CWC25: variants seen among roughly 807,000 people sequenced by gnomAD.
CWC25 encodes pre-mRNA-splicing factor CWC25 homolog.
Under a neutral mutation model 54.6 loss-of-function variants are expected in CWC25, and 31 were observed. That is an observed-to-expected ratio of 0.57 (90% confidence interval 0.43 to 0.77). The LOEUF is 0.77. Ranked by LOEUF, CWC25 falls within the 30% of genes least tolerant of loss-of-function variation. The probability of loss-of-function intolerance (pLI) is 0.00; values close to 1 mark genes in which losing one functional copy is unlikely to be tolerated. For synonymous variants in CWC25, 151 were observed against 187.0 expected, an observed-to-expected ratio of 0.81 and a Z score of 1.57; for missense variants, 453 against 529.3, an observed-to-expected ratio of 0.86 and a Z score of 1.41.
In CWC25 at chr17:38,806,713, G is replaced by A. The variant is rs1911255334; in HGVS notation, c.902+52C>T. The A allele has an allele frequency of 1.5e-5, 22 of 1,460,632 alleles. No homozygotes were observed. The South Asian group carries it at 2.8e-4, about 18-fold the overall frequency. 90.5% of individuals were successfully genotyped at this position (1,460,632 alleles called of 1,614,324 possible). On this transcript the variant is annotated intron_variant, in intron 7 of 9. Coordinates refer to ENST00000614790, the MANE Select transcript of CWC25 (RefSeq NM_017748.5). ...CCAAAAGCAAAAACAAATGCCTGCT[G>A]GGACCAGGCCCCCACAGTCACAGGT...
intron 1 of CWC25, among the ~76,000 whole-genome samples, 152 bp downstream of exon 1, chr17:38,825,014 C>G (rs540318472): frequency 1.3e-5 from 2 of 152,288 alleles, no homozygotes; most frequent in Admixed American, 6.5e-5. Flanking sequence ...CTCCATTGCC[C>G]TAAGGATCCA....
intron 6 of CWC25, 86 bp downstream of exon 6, chr17:38,809,616 C>A: frequency 7.6e-7 from 1 of 1,311,830 alleles, no homozygotes. Flanking sequence ...CCAGGCTTCA[C>A]TGCCCACCTC....
chr17:38,820,247 GTTATT>G (rs893760155), intron 2 of CWC25, among the ~76,000 whole-genome samples: 4 of 152,244 alleles, frequency 2.6e-5, no homozygotes, highest in African/African-American at 9.6e-5. Context: ...TAGTCTATCT[GTTATT>G]TTATTTTATT....
At chr17:38,822,771 G>A (rs1567676821) in intron 1 of CWC25, among the ~76,000 whole-genome samples, 1 of 151,934 alleles carries the variant, frequency 6.6e-6, no homozygotes, top group Non-Finnish European at 1.5e-5. Flanking sequence ...GCAAGAAGAA[G>A]CCAAGTGAGA....
Position 38,810,572 on chromosome 17 carries a change from C to A in CWC25, c.522G>T (p.Lys174Asn). The change falls in exon 5 of 10, where the codon AAG (lysine) becomes AAT (asparagine). Residue 174 changes from lysine (K) to asparagine (N), a missense_variant. Lys to Asn is a moderately conservative substitution (Grantham distance 94). Around this residue, in one of 2 missense-constraint regions of CWC25, gnomAD observed 444 missense variants for 499.2 expected, o/e 0.89. Transcript: ENST00000614790. The part of the protein sequence containing the change: ...KELLQMSLEK[K>N]EKKKKKEKKK... ...TCTTCTCCTTCTTTTTCTTCTTCTC[C>A]TTTTTTTCCAGACTCATTTGCAACT... 6.5e-7 allele frequency: 1 copy of A among 1,535,548 alleles called. No individual in the cohort carries two copies. Among genetic ancestry groups the A allele is most frequent in the Non-Finnish European group, 8.9e-7 (1 of 1,126,662 alleles).
intron 6 of CWC25, among the ~76,000 whole-genome samples, chr17:38,809,379 G>A (rs1450583271): frequency 6.8e-6 from 1 of 146,666 alleles, no homozygotes; most frequent in African/African-American, 2.5e-5. Flanking sequence ...AGTGAGCCGA[G>A]ATCGCGCCAC....
chr17:38,823,183 G>A (rs1436761031), intron 1 of CWC25, among the ~76,000 whole-genome samples: 2 of 122,252 alleles, frequency 1.6e-5, no homozygotes, highest in African/African-American at 3.2e-5. Context: ...TTTTTGAGAC[G>A]AGGTCTTGCT....
chr17:38,801,873 TAA>T lies in CWC25; in HGVS notation c.*217_*218del, dbSNP rs1280249876. The T allele has an allele frequency of 6.9e-6, 3 of 432,254 alleles. No homozygotes were observed. The highest frequency in any genetic ancestry group is 4.0e-5 in the Admixed American group (1 of 24,696). 26.8% of individuals were successfully genotyped at this position (432,254 alleles called of 1,614,324 possible). ...CCGAGATGGTCCAGTGCCCACCCGT[TAA>T]AGAGTCAAAACCCAAAGTTACTGAG... On this transcript the variant is annotated 3_prime_UTR_variant, in exon 10 of 10. Coordinates refer to ENST00000614790, the MANE Select transcript of CWC25 (RefSeq NM_017748.5).
chr17:38,802,651 C>T, intron 9 of CWC25, 49 bp downstream of exon 9: 2 of 1,606,248 alleles, frequency 1.2e-6, no homozygotes, highest in Non-Finnish European at 1.7e-6. Flanking sequence ...CAGCCTGCCT[C>T]TTAAGACCTT....
rs1312133574 is a variant in CWC25, at chr17:38,820,883, C to G, written c.191+18G>C. On this transcript the variant is annotated intron_variant, in intron 2 of 9. Transcript: ENST00000614790. ...TGCAATTCCCTACACACAAGCGCAC[C>G]CCCAGCTCCTCACTTACTTGACGGC... is the stretch of plus-strand genomic sequence containing the variant. 3 of 1,604,600 alleles carry G rather than the reference C, an allele frequency of 1.9e-6. No individual in the cohort carries two copies. In the African/African-American group the frequency reaches 4.0e-5, roughly 22 times the overall value.
chr17:38,817,315 A>G (rs946806933), intron 2 of CWC25, among the ~76,000 whole-genome samples: 13 of 150,666 alleles, frequency 8.6e-5, no homozygotes, highest in Non-Finnish European at 1.8e-4. Context: ...ACTCCAACGC[A>G]GGTGACAGTG....
Position 38,825,320 on chromosome 17 carries a change from C to G in CWC25, c.-137G>C. On this transcript the variant is annotated 5_prime_UTR_variant, in exon 1 of 10. Coordinates refer to ENST00000614790, the MANE Select transcript of CWC25 (RefSeq NM_017748.5). ...GTCAACTGCCAGTTTCACCACCGCT[C>G]TAGAGGTCACTTCCGGGAGGGCGTC... 1.2e-6 allele frequency: 1 copy of G among 826,276 alleles called. No homozygotes were observed. The highest frequency in any genetic ancestry group is 2.0e-5 in the South Asian group (1 of 49,866). 51.2% of individuals were successfully genotyped at this position (826,276 alleles called of 1,614,324 possible).
At chr17:38,810,841 G>A (rs1911455125) in intron 4 of CWC25, among the ~76,000 whole-genome samples, 1 of 142,356 alleles carries the variant, frequency 7.0e-6, no homozygotes, top group Non-Finnish European at 1.5e-5. Context: ...AGAATCACCT[G>A]AACCAGGAGG....
intron 4 of CWC25, among the ~76,000 whole-genome samples, 181 bp downstream of exon 4, chr17:38,812,614 T>C (rs57164224): frequency 0.026 from 3,957 of 151,080 alleles, 196 homozygotes; most frequent in African/African-American, 0.091. Context: ...GCAACAAGAT[T>C]GAAACTCCGT....
intron 8 of CWC25, among the ~76,000 whole-genome samples, chr17:38,804,482 C>A (rs1911147892): frequency 6.6e-6 from 1 of 152,032 alleles, no homozygotes; most frequent in Non-Finnish European, 1.5e-5. Context: ...CCAGCCTGGA[C>A]AACACATTGA....
Position 38,807,919 on chromosome 17 carries a change from C to T in CWC25, c.691-943G>A, listed in dbSNP as rs1386583961. Among the ~76,000 whole-genome samples, 4 of 137,188 alleles carry T rather than the reference C, an allele frequency of 2.9e-5. 1 individual carries two copies. Among genetic ancestry groups the T allele is most frequent in the Non-Finnish European group, 6.4e-5 (4 of 62,614 alleles). The allele number at this position is 137,188 out of a possible 152,430, so 90.0% of individuals were successfully genotyped here. A position where few individuals can be genotyped will look rare whatever the true frequency, so the allele number is the denominator to read the frequency against. On this transcript the variant is annotated intron_variant, in intron 6 of 9. Transcript: ENST00000614790. Reference sequence around the variant, plus strand: ...TAAAAATACAAAATAATTAGCTGGGCATGGTGGGCACCTGTAGTCCCAGCT... The same window carrying T: ...TAAAAATACAAAATAATTAGCTGGGTATGGTGGGCACCTGTAGTCCCAGCT...
In CWC25 at chr17:38,812,983, G is replaced by A. The variant is rs191821598; in HGVS notation, c.429-119C>T. ...CATGTTAAAATCTACATGATTAGCT[G>A]GGTGTGGTGGTGTGCACCTGTAATC... On this transcript the variant is annotated intron_variant, in intron 3 of 9. Coordinates refer to ENST00000614790, the MANE Select transcript of CWC25 (RefSeq NM_017748.5). 5.3e-4 allele frequency: 338 copies of A among 642,610 alleles called. 1 individual carries two copies. In the African/African-American group the frequency reaches 5.9e-3, roughly 11 times the overall value. The allele number at this position is 642,610 out of a possible 1,614,324, so 39.8% of individuals were successfully genotyped here.
Position 38,806,807 on chromosome 17 carries a change from C to G in CWC25, c.860G>C (p.Arg287Pro). 1 of 1,610,142 alleles carries G rather than the reference C, an allele frequency of 6.2e-7. No individual in the cohort carries two copies. Among genetic ancestry groups the G allele is most frequent in the Non-Finnish European group, 8.5e-7 (1 of 1,178,538 alleles). ...GGACCGTGACCTTCTGCCCAGGGAT[C>G]GAGACCTCCTGTCCCGGGACCCTGC... Reference protein sequence around the residue: ...REAGSRDRRSRSLGRRSRSPR... With the variant: ...REAGSRDRRSPSLGRRSRSPR... Residue 287 changes from arginine (R) to proline (P), a missense_variant, in exon 7 of 10, where the codon CGA (arginine) becomes CCA (proline). Physicochemically the swap from Arg to Pro is moderately radical, Grantham distance 103. Around this residue, in one of 2 missense-constraint regions of CWC25, gnomAD observed 444 missense variants for 499.2 expected, o/e 0.89. Coordinates refer to ENST00000614790, the MANE Select transcript of CWC25 (RefSeq NM_017748.5).
chr17:38,811,212 C>T (rs972830764), intron 4 of CWC25, among the ~76,000 whole-genome samples: 3 of 150,836 alleles, frequency 2.0e-5, no homozygotes, highest in East Asian at 2.0e-4. Context: ...GCAGCCTGGG[C>T]GACAGAGTGA....
Sources: gnomAD v4.1 joint callset for allele counts (sites outside exome capture counted in the v4.1 genomes callset) on GRCh38, gnomAD v4.1.1 for gene constraint, gnomAD v4.1.1 regional missense constraint, MANE v1.5 for transcripts, NCBI Gene and HGNC (gene_info 2026-07-23, HGNC 2026-07-21) for gene names.